FUT9: variants seen among roughly 807,000 people sequenced by gnomAD.
FUT9 encodes the protein fucosyltransferase 9, also known as 4-galactosyl-N-acetylglucosaminide 3-alpha-L-fucosyltransferase 9.
FUT9 carries 15 observed loss-of-function variants against 29.7 expected under a neutral mutation model. That is an observed-to-expected ratio of 0.51 (90% confidence interval 0.34 to 0.78). The LOEUF (loss-of-function observed/expected upper bound fraction) is 0.78. FUT9 is among the 30% of genes least tolerant of loss of function. The pLI, the probability that FUT9 is intolerant of heterozygous loss-of-function variation, is 0.01. For missense variants in FUT9, 319 were observed against 425.4 expected, an observed-to-expected ratio of 0.75 and a Z score of 2.20; for synonymous variants, 169 against 153.7, an observed-to-expected ratio of 1.10 and a Z score of -0.74.
At chr6:96,186,902 T>C (rs1773415386) in intron 2 of FUT9, among the ~76,000 whole-genome samples, 1 of 152,144 alleles carries the variant, frequency 6.6e-6, no homozygotes, top group South Asian at 2.1e-4. Flanking sequence ...TCTGCTTTAC[T>C]CAGTCCGCCA....
intron 1 of FUT9, among the ~76,000 whole-genome samples, chr6:96,112,861 G>C (rs1432258667): frequency 6.6e-6 from 1 of 152,106 alleles, no homozygotes; most frequent in African/African-American, 2.4e-5. Flanking sequence ...AATACTTTAA[G>C]TTATTCCATA....
chr6:96,086,360 A>C (rs1771316584), intron 1 of FUT9, among the ~76,000 whole-genome samples: 1 of 152,078 alleles, frequency 6.6e-6, no homozygotes, highest in Admixed American at 6.5e-5. Context: ...CCTGCTTATC[A>C]ATTTGTTGTC....
chr6:96,101,588 G>A (rs563343749), intron 1 of FUT9, among the ~76,000 whole-genome samples: 7 of 151,986 alleles, frequency 4.6e-5, no homozygotes, highest in Admixed American at 4.6e-4. Context: ...TTACCCTCAT[G>A]TTCAATTATT....
At chr6:96,032,990 T>G (rs1382267002) in intron 1 of FUT9, among the ~76,000 whole-genome samples, 2 of 151,624 alleles carry the variant, frequency 1.3e-5, no homozygotes, top group African/African-American at 2.4e-5. Context: ...TTTGACGGTT[T>G]TTTGATTCCC....
At chr6:96,017,830 C>A (rs958803821) in intron 1 of FUT9, among the ~76,000 whole-genome samples, 4 of 152,084 alleles carry the variant, frequency 2.6e-5, no homozygotes, top group Admixed American at 2.0e-4. Flanking sequence ...GAGATGTATG[C>A]TTCATCACCT....
intron 2 of FUT9, among the ~76,000 whole-genome samples, chr6:96,181,524 T>C: frequency 6.6e-6 from 1 of 151,936 alleles, no homozygotes; most frequent in East Asian, 1.9e-4. Context: ...TTTGTGAGAT[T>C]TTGGTGCACA....
intron 1 of FUT9, among the ~76,000 whole-genome samples, chr6:96,056,899 C>T (rs991854768): frequency 1.3e-5 from 2 of 152,122 alleles, no homozygotes; most frequent in African/African-American, 4.8e-5. Context: ...GGCATAAAGG[C>T]ACATGCATTC....
intron 2 of FUT9, among the ~76,000 whole-genome samples, chr6:96,169,865 A>G (rs1773080591): frequency 6.6e-6 from 1 of 152,104 alleles, no homozygotes; most frequent in Non-Finnish European, 1.5e-5. Flanking sequence ...GGCAAAGATG[A>G]GTGAGAGGTT....
At chr6:96,168,172 G>A (rs955889500) in intron 2 of FUT9, among the ~76,000 whole-genome samples, 32 of 152,294 alleles carry the variant, frequency 2.1e-4, no homozygotes, top group South Asian at 1.9e-3. Flanking sequence ...GAGATTTGAT[G>A]AGCTTTATTT....
At chr6:96,150,575 G>T (rs1325318858) in intron 2 of FUT9, among the ~76,000 whole-genome samples, 1 of 152,194 alleles carries the variant, frequency 6.6e-6, no homozygotes, top group Non-Finnish European at 1.5e-5. Context: ...TGCTTTTGGA[G>T]ATTTATTCTG....
chr6:96,161,996 G>T (rs1439545278), intron 2 of FUT9, among the ~76,000 whole-genome samples: 1 of 152,016 alleles, frequency 6.6e-6, no homozygotes, highest in Non-Finnish European at 1.5e-5. Flanking sequence ...AGGCATTTTT[G>T]CATTTCTGTT....
At chr6:96,124,260 T>C (rs1458814795) in intron 2 of FUT9, among the ~76,000 whole-genome samples, 2 of 150,568 alleles carry the variant, frequency 1.3e-5, no homozygotes, top group Non-Finnish European at 3.0e-5. Flanking sequence ...CACACCATTC[T>C]CCTGCCTCAG....
intron 1 of FUT9, among the ~76,000 whole-genome samples, chr6:96,098,200 T>C (rs1318518454): frequency 2.0e-5 from 3 of 152,110 alleles, no homozygotes; most frequent in Non-Finnish European, 4.4e-5. Flanking sequence ...CCTAAACACC[T>C]CCAATTTTGT....
intron 1 of FUT9, among the ~76,000 whole-genome samples, chr6:96,024,463 G>T (rs562890897): frequency 6.6e-6 from 1 of 151,684 alleles, no homozygotes; most frequent in Non-Finnish European, 1.5e-5. Flanking sequence ...TTGTTGTCCA[G>T]CCAATACTCT....
At chr6:96,080,164 C>A (rs1198016279) in intron 1 of FUT9, among the ~76,000 whole-genome samples, 1 of 151,560 alleles carries the variant, frequency 6.6e-6, no homozygotes, top group East Asian at 1.9e-4. Flanking sequence ...TTTATTTTTG[C>A]TAGTTTCTAT....
intron 2 of FUT9, among the ~76,000 whole-genome samples, chr6:96,137,236 C>A (rs1772365068): frequency 6.6e-6 from 1 of 151,804 alleles, no homozygotes; most frequent in African/African-American, 2.4e-5. Flanking sequence ...AAAAGAGCCC[C>A]CAATGGCCAA....
intron 1 of FUT9, among the ~76,000 whole-genome samples, chr6:96,098,682 C>T: frequency 6.6e-6 from 1 of 152,080 alleles, no homozygotes; most frequent in East Asian, 1.9e-4. Context: ...TAATAGAAGC[C>T]AGGGACCTCC....
chr6:96,073,507 A>C (rs1463121559), intron 1 of FUT9, among the ~76,000 whole-genome samples: 5 of 152,190 alleles, frequency 3.3e-5, no homozygotes, highest in Non-Finnish European at 7.3e-5. Flanking sequence ...TAAACATGCA[A>C]CGCAAGTAAA....
intron 2 of FUT9, among the ~76,000 whole-genome samples, chr6:96,148,536 T>C (rs1267340337): frequency 6.6e-6 from 1 of 152,184 alleles, no homozygotes; most frequent in Non-Finnish European, 1.5e-5. Flanking sequence ...TGAAGGCTAT[T>C]GATTCCTGAG....
Sources: allele counts gnomAD v4.1 joint callset (sites outside exome capture counted in the v4.1 genomes callset), GRCh38; gene constraint gnomAD v4.1.1; transcripts MANE v1.5; gene names NCBI Gene and HGNC (gene_info 2026-07-23, HGNC 2026-07-21).